The following RBFOX3 variants were observed in gnomAD, a reference collection of about 807,000 sequenced individuals.
The protein encoded by RBFOX3 is RNA binding protein fox-1 homolog 3.
RBFOX3 carries 17 observed loss-of-function variants against 48.7 expected under a neutral mutation model. The observed-to-expected ratio is 0.35, with a 90% CI of 0.24 to 0.52. RBFOX3 has a LOEUF of 0.52. Ranked by LOEUF, RBFOX3 falls within the 20% of genes least tolerant of loss-of-function variation. The pLI, the probability that RBFOX3 is intolerant of heterozygous loss-of-function variation, is 0.94. For missense variants in RBFOX3, 382 were observed against 497.5 expected (o/e 0.77, Z 2.21); for synonymous variants, 212 against 209.5 (o/e 1.01, Z -0.10).
intron 4 of RBFOX3, among the ~76,000 whole-genome samples, chr17:79,184,793 G>A (rs1021886567): frequency 3.3e-5 from 5 of 151,732 alleles, no homozygotes; most frequent in African/African-American, 4.8e-5. Flanking sequence ...GCCTGGGGCC[G>A]CCTGGCAGTG....
chr17:79,328,507 T>A (rs2079690418), intron 2 of RBFOX3, among the ~76,000 whole-genome samples: 1 of 152,168 alleles, frequency 6.6e-6, no homozygotes, highest in Admixed American at 6.5e-5. Context: ...TGTATTTCAT[T>A]TTAATTTGAT....
At chr17:79,475,662 A>G (rs2077626433) in intron 2 of RBFOX3, among the ~76,000 whole-genome samples, 1 of 152,216 alleles carries the variant, frequency 6.6e-6, no homozygotes, top group Non-Finnish European at 1.5e-5. Context: ...GTGCACACAC[A>G]TGCATGCGTG....
intron 2 of RBFOX3, among the ~76,000 whole-genome samples, chr17:79,372,861 C>G (rs1431459310): frequency 2.6e-5 from 4 of 152,218 alleles, no homozygotes; most frequent in African/African-American, 4.8e-5. Context: ...AAACATGAGT[C>G]TGTTCCTGAG....
intron 2 of RBFOX3, among the ~76,000 whole-genome samples, chr17:79,352,584 T>A (rs1416318706): frequency 6.6e-6 from 1 of 152,192 alleles, no homozygotes; most frequent in East Asian, 1.9e-4. Flanking sequence ...TCAGATCACA[T>A]CCCCAACTTA....
intron 1 of RBFOX3, among the ~76,000 whole-genome samples, chr17:79,555,713 T>C (rs1457615715): frequency 1.3e-5 from 2 of 152,250 alleles, no homozygotes; most frequent in Admixed American, 1.3e-4. Context: ...GTGGTGGCAA[T>C]GGTGATGATG....
intron 4 of RBFOX3, among the ~76,000 whole-genome samples, chr17:79,135,346 C>T (rs992612788): frequency 2.0e-5 from 3 of 152,182 alleles, no homozygotes; most frequent in African/African-American, 7.2e-5. Flanking sequence ...TAAGTGCTGT[C>T]CTCTCATAAG....
At chr17:79,174,366 C>T (rs1202074750) in intron 4 of RBFOX3, among the ~76,000 whole-genome samples, 1 of 151,594 alleles carries the variant, frequency 6.6e-6, no homozygotes, top group African/African-American at 2.4e-5. Flanking sequence ...CACACAGACA[C>T]ATGCGCACAC....
At chr17:79,247,601 C>T (rs9901126) in intron 3 of RBFOX3, among the ~76,000 whole-genome samples, 53,235 of 151,954 alleles carry the variant, frequency 0.35, 9,810 homozygotes, top group South Asian at 0.48. Flanking sequence ...AGTGAGCCAC[C>T]GCATCTGGCC....
In RBFOX3 at chr17:79,199,108, G is replaced by A. The variant is rs1321350427; in HGVS notation, c.-34+36658C>T. ...CCCAGAAAACAGTGGGAAGCAAGTG[G>A]GGGCTGTCTCCATGGAGTGAAAGCT... On this transcript the variant is annotated intron_variant, in intron 4 of 14. Transcript: ENST00000693108. The surrounding 1 kb of genome is among the most constrained non-coding windows in gnomAD (Gnocchi z 5.1). 2.0e-5 allele frequency among the ~76,000 whole-genome samples: 3 copies of A among 152,152 alleles called. No homozygotes were observed. The highest frequency in any genetic ancestry group is 3.8e-4 in the East Asian group (2 of 5,198).
chr17:79,311,671 G>A lies in RBFOX3; in HGVS notation c.-174-3847C>T, dbSNP rs1238067450. ...AGAACTCTGAGTCAGGCCCTCTGGGGTCTCTCGCAGGTTGGGCTCCTGGAG... is the reference window on the plus strand; with the variant it reads ...AGAACTCTGAGTCAGGCCCTCTGGGATCTCTCGCAGGTTGGGCTCCTGGAG... On this transcript the variant is annotated intron_variant, in intron 2 of 14. Coordinates refer to ENST00000693108, the MANE Select transcript of RBFOX3 (RefSeq NM_001350451.2). The surrounding 1 kb of genome is among the most constrained non-coding windows in gnomAD (Gnocchi z 4.2). 6.6e-6 allele frequency among the ~76,000 whole-genome samples: 1 copy of A among 152,224 alleles called. No individual in the cohort carries two copies. The highest frequency in any genetic ancestry group is 1.5e-5 in the Non-Finnish European group (1 of 68,010).
chr17:79,348,045 C>G (rs778687418), intron 2 of RBFOX3, among the ~76,000 whole-genome samples: 6 of 152,192 alleles, frequency 3.9e-5, no homozygotes, highest in African/African-American at 7.2e-5. Flanking sequence ...TCAACCCCAT[C>G]CACTCCACCA....
chr17:79,352,409 C>T (rs1178251386), intron 2 of RBFOX3, among the ~76,000 whole-genome samples: 1 of 152,188 alleles, frequency 6.6e-6, no homozygotes, highest in African/African-American at 2.4e-5. Flanking sequence ...CCCAGCCATG[C>T]TTCCTGTGCA....
chr17:79,459,947 C>G (rs2149252826), intron 2 of RBFOX3, among the ~76,000 whole-genome samples: 1 of 152,238 alleles, frequency 6.6e-6, no homozygotes, highest in East Asian at 1.9e-4. Context: ...TAGGTCCAAG[C>G]AGCGGAAGAT....
rs1176656368 is a variant in RBFOX3, at chr17:79,199,722, TG to T, written c.-34+36043del. ...CACACATGGCTCCTGGTGACCATAT[TG>T]ACACAGATATGACATTGCTGCTGCT... On this transcript the variant is annotated intron_variant, in intron 4 of 14. Transcript: ENST00000693108. This position sits in a 1 kb window ranked among gnomAD's most constrained non-coding sequence, Gnocchi z 5.1. Among the ~76,000 whole-genome samples, 1 of 152,220 alleles carries T rather than the reference TG, an allele frequency of 6.6e-6. No individual in the cohort carries two copies. The highest frequency in any genetic ancestry group is 1.5e-5 in the Non-Finnish European group (1 of 68,036).
chr17:79,297,660 G>A (rs1246013374), intron 3 of RBFOX3, among the ~76,000 whole-genome samples: 1 of 152,232 alleles, frequency 6.6e-6, no homozygotes, highest in Admixed American at 6.5e-5. Flanking sequence ...TGGGGGTCAG[G>A]CCCAAGTCAT....
At chr17:79,146,955 G>C (rs1360600716) in intron 4 of RBFOX3, among the ~76,000 whole-genome samples, 1 of 152,176 alleles carries the variant, frequency 6.6e-6, no homozygotes, top group Non-Finnish European at 1.5e-5. Context: ...TGATCAAAAC[G>C]GGCCCCCTGC....
At chr17:79,487,913 G>GAAAAAAAAAAA (rs60345819) in intron 1 of RBFOX3, among the ~76,000 whole-genome samples, 20,557 of 75,440 alleles carry the variant, frequency 0.27, 4,533 homozygotes, top group Non-Finnish European at 0.37. Context: ...CCCCATCTCA[G>GAAAAAAAAAAA]AAAAAAAAAA....
intron 1 of RBFOX3, among the ~76,000 whole-genome samples, chr17:79,502,534 G>GT (rs2149746426): frequency 6.6e-6 from 1 of 152,346 alleles, no homozygotes; most frequent in Non-Finnish European, 1.5e-5. Context: ...TTTTACCACA[G>GT]TAAAAAATGT....
At chr17:79,348,818 G>A (rs896557699) in intron 2 of RBFOX3, among the ~76,000 whole-genome samples, 2 of 151,634 alleles carry the variant, frequency 1.3e-5, no homozygotes, top group Non-Finnish European at 2.9e-5. Context: ...GACCTCAGGT[G>A]ATCCACCTCG....
Sources: allele counts gnomAD v4.1 joint callset (sites outside exome capture counted in the v4.1 genomes callset), GRCh38; gene constraint gnomAD v4.1.1; non-coding constraint Gnocchi (gnomAD v3.1); transcripts MANE v1.5; gene names NCBI Gene and HGNC (gene_info 2026-07-23, HGNC 2026-07-21).